The following LCLAT1 variants were observed in gnomAD, a reference collection of about 807,000 sequenced individuals.
LCLAT1 encodes lysocardiolipin acyltransferase 1.
In LCLAT1, 11 loss-of-function variants were observed where a neutral mutation model predicts 30.7. The observed-to-expected ratio is 0.36, with a 90% confidence interval of 0.23 to 0.59. The LOEUF is 0.59. Among genes scored for constraint, LCLAT1 ranks in the 20% least tolerant of loss-of-function variants. LCLAT1 has a pLI of 0.77. For missense variants in LCLAT1, 402 were observed against 458.6 expected, an observed-to-expected ratio of 0.88 and a Z score of 1.13; for synonymous variants, 155 against 151.3, an observed-to-expected ratio of 1.02 and a Z score of -0.18.
intron 1 of LCLAT1, among the ~76,000 whole-genome samples, chr2:30,463,911 A>G (rs755902374): frequency 4.6e-5 from 7 of 152,350 alleles, no homozygotes; most frequent in Non-Finnish European, 8.8e-5. Flanking sequence ...TAATTTTCAC[A>G]TACAAATAGT....
chr2:30,485,437 G>A (rs1362500634), intron 1 of LCLAT1, among the ~76,000 whole-genome samples: 2 of 152,104 alleles, frequency 1.3e-5, no homozygotes, highest in Non-Finnish European at 2.9e-5. Flanking sequence ...TTAGTGGTGT[G>A]TAAGGAAGAA....
At chr2:30,526,189 A>AT (rs58829777) in intron 2 of LCLAT1, among the ~76,000 whole-genome samples, 10,360 of 151,482 alleles carry the variant, frequency 0.068, 620 homozygotes, top group African/African-American at 0.16. Flanking sequence ...TTAGACTGTT[A>AT]TTTTTTTCAC....
At chr2:30,453,821 A>G (rs943799021) in intron 1 of LCLAT1, among the ~76,000 whole-genome samples, 19 of 152,222 alleles carry the variant, frequency 1.2e-4, no homozygotes, top group African/African-American at 4.6e-4. Context: ...TGTGAGTGCC[A>G]GGTGTATACT....
At chr2:30,629,623 A>G (rs1375505852) in intron 5 of LCLAT1, among the ~76,000 whole-genome samples, 2 of 152,222 alleles carry the variant, frequency 1.3e-5, no homozygotes, top group African/African-American at 2.4e-5. Flanking sequence ...AAGCATTAGT[A>G]AGAGTGTGAA....
Position 30,623,265 on chromosome 2 carries a change from A to G in LCLAT1, c.629-16852A>G, listed in dbSNP as rs569509756. ...GAGACAGGGTTTCACCTTATTAGCC[A>G]GGATGGTCTCGATCTCCTGACCTTG... is the stretch of plus-strand genomic sequence containing the variant. On this transcript the variant is annotated intron_variant, in intron 5 of 5. Coordinates refer to ENST00000379509, the MANE Select transcript of LCLAT1 (RefSeq NM_001002257.3). 2.7e-4 allele frequency among the ~76,000 whole-genome samples: 41 copies of G among 152,196 alleles called. No homozygotes were observed. The South Asian group carries it at 8.5e-3, about 32-fold the overall frequency.
At chr2:30,481,612 A>G (rs1683327012) in intron 1 of LCLAT1, among the ~76,000 whole-genome samples, 1 of 152,190 alleles carries the variant, frequency 6.6e-6, no homozygotes, top group Non-Finnish European at 1.5e-5. Context: ...GGTAGAGTAA[A>G]ATGAGGACAG....
intron 1 of LCLAT1, among the ~76,000 whole-genome samples, chr2:30,514,695 A>T (rs1685102016): frequency 6.6e-6 from 1 of 152,068 alleles, no homozygotes; most frequent in South Asian, 2.1e-4. Flanking sequence ...TGTGGTTGTG[A>T]TCCTCTGGCT....
At chr2:30,551,042 G>A (rs1034629297) in intron 3 of LCLAT1, among the ~76,000 whole-genome samples, 6 of 152,184 alleles carry the variant, frequency 3.9e-5, no homozygotes, top group Non-Finnish European at 7.4e-5. Context: ...GCGGTGGTGC[G>A]TTCACAGCTC....
intron 1 of LCLAT1, among the ~76,000 whole-genome samples, chr2:30,473,629 C>T (rs994716445): frequency 3.9e-5 from 6 of 152,150 alleles, no homozygotes; most frequent in Admixed American, 2.6e-4. Flanking sequence ...TGGATGCGTT[C>T]TATGGAGCAG....
chr2:30,537,113 GGC>G (rs1686284187), intron 3 of LCLAT1, among the ~76,000 whole-genome samples: 2 of 152,206 alleles, frequency 1.3e-5, no homozygotes, highest in South Asian at 4.1e-4. Flanking sequence ...CGGGCGCGGT[GGC>G]TCACGCCTGT....
intron 3 of LCLAT1, among the ~76,000 whole-genome samples, chr2:30,561,154 G>A (rs1211627071): frequency 6.6e-6 from 1 of 152,084 alleles, no homozygotes; most frequent in Admixed American, 6.5e-5. Context: ...TGTTGGCCAG[G>A]CTGGTCTCGA....
intron 5 of LCLAT1, among the ~76,000 whole-genome samples, chr2:30,602,126 A>C (rs1257192674): frequency 6.6e-6 from 1 of 152,144 alleles, no homozygotes; most frequent in Non-Finnish European, 1.5e-5. Context: ...GTTAGATTTA[A>C]TCAAATAGAC....
intron 5 of LCLAT1, among the ~76,000 whole-genome samples, chr2:30,570,505 A>G (rs1482093652): frequency 6.6e-6 from 1 of 152,224 alleles, no homozygotes; most frequent in Non-Finnish European, 1.5e-5. Context: ...CATGGTAGTT[A>G]TAAATATTTA....
chr2:30,620,616 T>A (rs1460341536), intron 5 of LCLAT1, among the ~76,000 whole-genome samples: 1 of 152,188 alleles, frequency 6.6e-6, no homozygotes, highest in Non-Finnish European at 1.5e-5. Context: ...AATATGCCAC[T>A]TTATAATTCA....
At chr2:30,492,303 G>A (rs761791128) in intron 1 of LCLAT1, among the ~76,000 whole-genome samples, 8 of 152,194 alleles carry the variant, frequency 5.3e-5, no homozygotes, top group Non-Finnish European at 8.8e-5. Flanking sequence ...AGTTTGGGTA[G>A]GGTTACTGTA....
rs1369926598 is a variant in LCLAT1 at position 30,583,412 on chromosome 2, TGCCATTGTCCTTACCCAAGGCC to T, written c.628+15237_628+15258del. Among the ~76,000 whole-genome samples the T allele has an allele frequency of 2.0e-5, 3 of 152,386 alleles. No individual in the cohort carries two copies. In the East Asian group the frequency reaches 5.8e-4, roughly 29 times the overall value. ...CACAATAGCAGTGTTGTCCTCTGGC[TGCCATTGTCCTTACCCAAGGCC>T]TAAAAAGCACATACTTGATTTTTTT... On this transcript the variant is annotated intron_variant, in intron 5 of 5. Coordinates refer to ENST00000379509, the MANE Select transcript of LCLAT1 (RefSeq NM_001002257.3).
At chr2:30,604,922 A>G (rs1236160183) in intron 5 of LCLAT1, among the ~76,000 whole-genome samples, 2 of 152,170 alleles carry the variant, frequency 1.3e-5, no homozygotes, top group Non-Finnish European at 2.9e-5. Context: ...CCTGCCAGGA[A>G]AAAGGCTGCC....
intron 1 of LCLAT1, among the ~76,000 whole-genome samples, chr2:30,508,351 T>G (rs1000309462): frequency 6.6e-6 from 1 of 152,212 alleles, no homozygotes; most frequent in Non-Finnish European, 1.5e-5. Flanking sequence ...ATGAAATCTT[T>G]GCCAGTTCCT....
At chr2:30,567,387 T>C (rs1272671446) in intron 4 of LCLAT1, among the ~76,000 whole-genome samples, 1 of 152,206 alleles carries the variant, frequency 6.6e-6, no homozygotes, top group Non-Finnish European at 1.5e-5. Flanking sequence ...TTTTCTTTAG[T>C]CTTAGAATAT....
Sources: gnomAD v4.1 joint callset for allele counts (sites outside exome capture counted in the v4.1 genomes callset) on GRCh38, gnomAD v4.1.1 for gene constraint, MANE v1.5 for transcripts, NCBI Gene and HGNC (gene_info 2026-07-23, HGNC 2026-07-21) for gene names.